The following STX8 variants were observed in gnomAD, a reference collection of about 807,000 sequenced individuals.
STX8 encodes syntaxin-8.
In STX8, 23 loss-of-function variants were observed where a neutral mutation model predicts 37.5. That is an observed-to-expected ratio of 0.61 (90% CI 0.44 to 0.87). STX8 has a LOEUF of 0.87. Ranked by LOEUF, STX8 falls within the 40% of genes least tolerant of loss-of-function variation. The pLI, the probability that STX8 is intolerant of heterozygous loss-of-function variation, is 0.00. For synonymous variants in STX8, 115 were observed against 99.1 expected (o/e 1.16, Z -0.95); for missense variants, 313 against 284.7 (o/e 1.10, Z -0.71).
At chr17:9,421,412 A>AT (rs60518405) in intron 6 of STX8, among the ~76,000 whole-genome samples, 23,473 of 64,998 alleles carry the variant, frequency 0.36, 3,806 homozygotes, top group East Asian at 0.61. Flanking sequence ...AAAAAAAAAA[A>AT]TTTTTTTTTT....
At chr17:9,437,890 A>G (rs1904490990) in intron 6 of STX8, 1 of 152,120 alleles carries the variant, frequency 6.6e-6, no homozygotes, top group African/African-American at 2.4e-5. Context: ...AGTTCTTCCT[A>G]AGGTAAAAAG....
intron 6 of STX8, among the ~76,000 whole-genome samples, chr17:9,438,264 A>C: frequency 1.4e-5 from 2 of 145,464 alleles, no homozygotes; most frequent in South Asian, 2.2e-4. Context: ...AAAAAAGGCC[A>C]TTTCTACTGT....
At chr17:9,533,722 G>A (rs1905909003) in intron 4 of STX8, among the ~76,000 whole-genome samples, 1 of 152,198 alleles carries the variant, frequency 6.6e-6, no homozygotes, top group Non-Finnish European at 1.5e-5. Context: ...TGAACCTTGA[G>A]TCTCTGGTTC....
Position 9,378,564 on chromosome 17 carries a change from A to G in STX8, c.631T>C (p.Ser211Pro), listed in dbSNP as rs747219224. The G allele has an allele frequency of 1.2e-6, 2 of 1,613,494 alleles. No individual in the cohort carries two copies. Among genetic ancestry groups the G allele is most frequent in the Admixed American group, 1.7e-5 (1 of 59,974 alleles). ...TRRVNMVDRK[S>P]ASCGMIMVIL... Reference sequence around the variant, plus strand: ...AGCTATCTCTTACCACAAGAGGCTGACTTTCTGTCCACCATGTTTACCCGC... The same window carrying G: ...AGCTATCTCTTACCACAAGAGGCTGGCTTTCTGTCCACCATGTTTACCCGC... The change falls in exon 7 of 8, where the codon TCA becomes CCA. Residue 211 changes from serine to proline, a missense_variant. Ser to Pro is a moderately conservative substitution (Grantham distance 74, BLOSUM62 -1). Transcript: ENST00000306357.
intron 6 of STX8, among the ~76,000 whole-genome samples, chr17:9,410,156 A>C (rs532875790): frequency 6.6e-6 from 1 of 152,324 alleles, no homozygotes; most frequent in Non-Finnish European, 1.5e-5. Flanking sequence ...TCATGCTTGC[A>C]TGAATGGCAT....
intron 7 of STX8, among the ~76,000 whole-genome samples, chr17:9,276,628 G>GT (rs71361884): frequency 0.015 from 2,100 of 141,680 alleles, 27 homozygotes; most frequent in South Asian, 0.051. Flanking sequence ...TTATTTGTTT[G>GT]TTTTTTTTTT....
intron 7 of STX8, among the ~76,000 whole-genome samples, chr17:9,252,698 T>C (rs1906633872): frequency 6.6e-6 from 1 of 151,960 alleles, no homozygotes; most frequent in African/African-American, 2.4e-5. Flanking sequence ...TGCATTTTTC[T>C]GATATGGGCT....
chr17:9,410,931 G>A (rs1420414076), intron 6 of STX8, among the ~76,000 whole-genome samples: 1 of 152,122 alleles, frequency 6.6e-6, no homozygotes, highest in Non-Finnish European at 1.5e-5. Context: ...TTTACTCAAT[G>A]GGCAATCAAC....
chr17:9,538,009 C>A (rs1336987176), intron 4 of STX8, among the ~76,000 whole-genome samples: 1 of 152,206 alleles, frequency 6.6e-6, no homozygotes, highest in Non-Finnish European at 1.5e-5. Context: ...GTGTATAGCA[C>A]ATAGTAGGCA....
chr17:9,508,741 A>G (rs1904930058), intron 4 of STX8, among the ~76,000 whole-genome samples: 1 of 152,254 alleles, frequency 6.6e-6, no homozygotes, highest in Admixed American at 6.5e-5. Context: ...TATTAAGTGA[A>G]CAAATATTCA....
chr17:9,270,766 G>A (rs1907427157), intron 7 of STX8, among the ~76,000 whole-genome samples: 1 of 152,198 alleles, frequency 6.6e-6, no homozygotes, highest in African/African-American at 2.4e-5. Context: ...AGTAAAGTAA[G>A]TCCAGTTGGT....
At chr17:9,291,653 G>C (rs1235814406) in intron 7 of STX8, among the ~76,000 whole-genome samples, 3 of 152,136 alleles carry the variant, frequency 2.0e-5, no homozygotes, top group Non-Finnish European at 4.4e-5. Context: ...TAACAGCTTT[G>C]AGATTTTATA....
chr17:9,428,756 ATCT>A lies in STX8; in HGVS notation c.542-50106_542-50104del, dbSNP rs958294559. On this transcript the variant is annotated intron_variant, in intron 6 of 7. Transcript: ENST00000306357. Reference sequence around the variant, plus strand: ...AGAAATTATTGGCAAGATATTTTGAATCTTTTTTTCTGGCACCATATCTTCCAA... The same window carrying A: ...AGAAATTATTGGCAAGATATTTTGAATTTTTTCTGGCACCATATCTTCCAA... 2.6e-5 allele frequency among the ~76,000 whole-genome samples: 4 copies of A among 152,322 alleles called. 1 individual carries two copies. The highest frequency in any genetic ancestry group is 9.6e-5 in the African/African-American group (4 of 41,580).
At chr17:9,399,917 A>C in intron 6 of STX8, among the ~76,000 whole-genome samples, 1 of 151,490 alleles carries the variant, frequency 6.6e-6, no homozygotes, top group Non-Finnish European at 1.5e-5. Context: ...ATTCAAGTTT[A>C]CTCCATAAGT....
At chr17:9,523,465 G>A (rs1905444461) in intron 4 of STX8, among the ~76,000 whole-genome samples, 1 of 151,540 alleles carries the variant, frequency 6.6e-6, no homozygotes, top group South Asian at 2.1e-4. Flanking sequence ...ATAATATGAG[G>A]GAGTTGGTGT....
Position 9,250,583 on chromosome 17 carries a change from T to C in STX8, c.706A>G (p.Asn236Asp). The change falls in exon 8 of 8, where the codon AAC becomes GAC. Residue 236 changes from asparagine to aspartate, a missense_variant. Asn to Asp is a conservative substitution (Grantham distance 23, BLOSUM62 1). Coordinates refer to ENST00000306357, the MANE Select transcript of STX8 (RefSeq NM_004853.3). ...TGGTGGTCTCTTTACTGCCATCAGT[T>C]GGTCGGCCAGACTGCAACAACCACG... is the stretch of plus-strand genomic sequence containing the variant. ...AIVVVAVWPT[N>D] is the part of the protein sequence containing the mutation. The C allele has an allele frequency of 6.3e-7, 1 of 1,593,662 alleles. No individual in the cohort carries two copies. Among genetic ancestry groups the C allele is most frequent in the Non-Finnish European group, 8.5e-7 (1 of 1,170,278 alleles).
chr17:9,447,550 G>A (rs970897986), intron 6 of STX8, among the ~76,000 whole-genome samples: 1 of 152,140 alleles, frequency 6.6e-6, no homozygotes, highest in African/African-American at 2.4e-5. Flanking sequence ...AGCCGCCCCA[G>A]TAGCTGGGAT....
intron 6 of STX8, among the ~76,000 whole-genome samples, chr17:9,414,117 TCCATCCATCCAA>T (rs972488670): frequency 1.6e-4 from 2 of 12,802 alleles, no homozygotes; most frequent in African/African-American, 6.8e-4. Flanking sequence ...CATCCATCCA[TCCATCCATCCAA>T]CCATCCATCC....
intron 7 of STX8, among the ~76,000 whole-genome samples, chr17:9,373,307 T>C (rs143328828): frequency 1.3e-5 from 2 of 152,268 alleles, no homozygotes; most frequent in East Asian, 1.9e-4. Flanking sequence ...GAGCAGCTAT[T>C]TGTACAGCAA....
Sources: allele counts gnomAD v4.1 joint callset (sites outside exome capture counted in the v4.1 genomes callset), GRCh38; gene constraint gnomAD v4.1.1; transcripts MANE v1.5; gene names NCBI Gene and HGNC (gene_info 2026-07-23, HGNC 2026-07-21).